The following RBP7 variants were observed in gnomAD, a reference collection of about 807,000 sequenced individuals.
The protein encoded by RBP7 is retinoid-binding protein 7.
RBP7 carries 13 observed loss-of-function variants against 16.7 expected under a neutral mutation model. The observed-to-expected ratio is 0.78, with a 90% CI of 0.51 to 1.24. The LOEUF is 1.24. Among genes scored for constraint, RBP7 ranks in the 50% most tolerant of loss-of-function variants. The pLI is 0.00. For missense variants in RBP7, 145 were observed against 159.5 expected, an observed-to-expected ratio of 0.91 and a Z score of 0.49; for synonymous variants, 54 against 56.2, an observed-to-expected ratio of 0.96 and a Z score of 0.17.
intron 1 of RBP7, among the ~76,000 whole-genome samples, chr1:10,003,215 T>C (rs1397289972): frequency 6.6e-6 from 1 of 151,950 alleles, no homozygotes; most frequent in Non-Finnish European, 1.5e-5. Context: ...TCACCTGAGG[T>C]CAGGAGTTCG....
intron 3 of RBP7, among the ~76,000 whole-genome samples, chr1:10,009,333 CAGT>C (rs1222300826): frequency 7.0e-4 from 107 of 152,114 alleles, no homozygotes; most frequent in African/African-American, 2.5e-3. Context: ...TTGCTAGAAC[CAGT>C]TAGTCGGAGG....
rs1642193467 is a variant in RBP7 at position 9,997,406 on chromosome 1, G to GTAC, written c.73+75_73+76insTAC. On this transcript the variant is annotated intron_variant, in intron 1 of 3. Coordinates refer to ENST00000294435, the MANE Select transcript of RBP7 (RefSeq NM_052960.3). The surrounding 1 kb of genome is among the most constrained non-coding windows in gnomAD (Gnocchi z 5.9). ...GGATCAGGCGAAGGCGGCCGGGCCGGGCCTGTAGGTACGTCCTCTGTCCGT... is the reference window on the plus strand; with the variant it reads ...GGATCAGGCGAAGGCGGCCGGGCCGGTACGCCTGTAGGTACGTCCTCTGTCCGT... The GTAC allele has an allele frequency of 2.1e-6, 3 of 1,437,126 alleles. No individual in the cohort carries two copies. Among genetic ancestry groups the GTAC allele is most frequent in the Non-Finnish European group, 2.9e-6 (3 of 1,028,448 alleles). The allele number at this position is 1,437,126 out of a possible 1,614,324, so 89.0% of individuals were successfully genotyped here.
chr1:10,004,875 C>T (rs1345631114), intron 1 of RBP7, among the ~76,000 whole-genome samples: 1 of 152,112 alleles, frequency 6.6e-6, no homozygotes, highest in Non-Finnish European at 1.5e-5. Context: ...TGCCTGTAGC[C>T]CCAGCTACTT....
chr1:10,015,107 G>C (rs539848296), intron 3 of RBP7, among the ~76,000 whole-genome samples: 1 of 152,020 alleles, frequency 6.6e-6, no homozygotes, highest in Non-Finnish European at 1.5e-5. Flanking sequence ...TAGCACTTTC[G>C]GAGGGCAAGG....
intron 3 of RBP7, among the ~76,000 whole-genome samples, chr1:10,014,009 TA>T (rs938987562): frequency 2.0e-5 from 3 of 150,744 alleles, no homozygotes; most frequent in Non-Finnish European, 4.4e-5. Context: ...TGTCTCCAAA[TA>T]AAAAAAAAGA....
intron 1 of RBP7, among the ~76,000 whole-genome samples, chr1:10,003,393 A>G (rs1241606415): frequency 6.6e-6 from 1 of 152,118 alleles, no homozygotes; most frequent in African/African-American, 2.4e-5. Context: ...CTGCCATTGC[A>G]CTCCAGCCTG....
intron 2 of RBP7, among the ~76,000 whole-genome samples, 165 bp from the exon 3 acceptor site, chr1:10,008,008 C>G (rs540891909): frequency 5.3e-5 from 8 of 150,982 alleles, no homozygotes; most frequent in Non-Finnish European, 1.0e-4. Context: ...AAGCCAAGAT[C>G]GTGCCACTGC....
At chr1:10,011,446 C>A (rs548809701) in intron 3 of RBP7, among the ~76,000 whole-genome samples, 1 of 152,190 alleles carries the variant, frequency 6.6e-6, no homozygotes, top group African/African-American at 2.4e-5. Flanking sequence ...TAGGTTACAG[C>A]GGCCTTTCAC....
intron 1 of RBP7, among the ~76,000 whole-genome samples, chr1:9,998,608 C>T (rs1642215368): frequency 1.3e-5 from 2 of 151,496 alleles, no homozygotes; most frequent in East Asian, 3.9e-4. Flanking sequence ...CGGGGTTTCA[C>T]CATGTTGGCC....
At chr1:9,998,840 C>A (rs1417783207) in intron 1 of RBP7, among the ~76,000 whole-genome samples, 1 of 152,146 alleles carries the variant, frequency 6.6e-6, no homozygotes, top group East Asian at 1.9e-4. Flanking sequence ...GTCTTATGAT[C>A]TTCTTCAGAG....
At chr1:10,004,903 A>G (rs1225051227) in intron 1 of RBP7, among the ~76,000 whole-genome samples, 2 of 152,188 alleles carry the variant, frequency 1.3e-5, no homozygotes, top group African/African-American at 2.4e-5. Flanking sequence ...TGAGGTGGGA[A>G]GATCTCTCGA....
intron 3 of RBP7, among the ~76,000 whole-genome samples, chr1:10,014,937 A>G (rs1395139743): frequency 6.6e-6 from 1 of 152,088 alleles, no homozygotes. Context: ...TTAGTGCCCA[A>G]ATTAAATTGG....
At position 10,015,805 on chromosome 1, in the gene RBP7, G is replaced by A. The variant is rs1642759581; in HGVS notation, c.378G>A (p.Val126=). The A allele has an allele frequency of 6.2e-7, 1 of 1,614,038 alleles. No individual in the cohort carries two copies. The highest frequency in any genetic ancestry group is 1.7e-5 in the Admixed American group (1 of 59,984). Reference sequence around the variant, plus strand: ...AGGAAATGTTCTGTGAAGGTCAAGTGTGCAAACAGACATTCCAGAGAGCCT... The same window carrying A: ...AGGAAATGTTCTGTGAAGGTCAAGTATGCAAACAGACATTCCAGAGAGCCT... ...LHLEMFCEGQ[V]CKQTFQRA is the part of the protein sequence containing the mutation. Residue 126 remains valine (V), a synonymous_variant, in exon 4 of 4, where the codon GTG becomes GTA. Transcript: ENST00000294435.
intron 3 of RBP7, among the ~76,000 whole-genome samples, chr1:10,014,884 G>A (rs1642736414): frequency 6.6e-6 from 1 of 152,194 alleles, no homozygotes; most frequent in African/African-American, 2.4e-5. Flanking sequence ...AGTCTCGTGA[G>A]ACTGCATCCT....
chr1:9,998,071 C>T (rs929599106), intron 1 of RBP7, among the ~76,000 whole-genome samples: 1 of 152,364 alleles, frequency 6.6e-6, no homozygotes. Context: ...TCACTGCAAC[C>T]TCCGCCTCCT....
At position 10,007,712 on chromosome 1, in the gene RBP7, T is replaced by C. The variant is rs763808208; in HGVS notation, c.216T>C (p.Asp72=). 6.0e-5 allele frequency: 97 copies of C among 1,613,850 alleles called. No homozygotes were observed. The highest frequency in any genetic ancestry group is 8.1e-5 in the Non-Finnish European group (96 of 1,179,996). ...FVKFKVGEEF[D]EDNRGLDNRK... ...AATTTAAAGTTGGAGAAGAATTTGA[T>C]GAAGATAACAGAGGCCTGGACAACA... Residue 72 remains aspartate (D), a synonymous_variant, in exon 2 of 4, where the codon GAT becomes GAC. Coordinates refer to ENST00000294435, the MANE Select transcript of RBP7 (RefSeq NM_052960.3).
chr1:10,008,844 A>C (rs1236931630), intron 3 of RBP7, among the ~76,000 whole-genome samples: 1 of 152,166 alleles, frequency 6.6e-6, no homozygotes, highest in African/African-American at 2.4e-5. Flanking sequence ...CGACAGAGGC[A>C]GGAAGATAAC....
At chr1:10,004,704 A>G (rs1642391044) in intron 1 of RBP7, among the ~76,000 whole-genome samples, 1 of 152,208 alleles carries the variant, frequency 6.6e-6, no homozygotes, top group African/African-American at 2.4e-5. Context: ...TTGTTAGTCT[A>G]AAGTTATTGG....
chr1:10,008,036 A>T, intron 2 of RBP7, 137 bp from the exon 3 acceptor site: 1 of 627,140 alleles, frequency 1.6e-6, no homozygotes. Context: ...CCTGGGTGAC[A>T]GAGTGGGACT....
Sources: allele counts gnomAD v4.1 joint callset (sites outside exome capture counted in the v4.1 genomes callset), GRCh38; gene constraint gnomAD v4.1.1; non-coding constraint Gnocchi (gnomAD v3.1); transcripts MANE v1.5; gene names NCBI Gene and HGNC (gene_info 2026-07-23, HGNC 2026-07-21).